Variants in NIF3L1 observed in about 807,000 individuals in gnomAD.
NIF3L1 encodes the protein NIF3-like protein 1.
Under a neutral mutation model 35.0 loss-of-function variants are expected in NIF3L1, and 26 were observed. The ratio of observed to expected loss-of-function variants is 0.74; its 90% confidence interval spans 0.54 to 1.03. NIF3L1 has a LOEUF of 1.03. Among genes scored for constraint, NIF3L1 ranks in the 50% least tolerant of loss-of-function variants. The pLI is 0.00. For synonymous variants in NIF3L1, 157 were observed against 178.9 expected (o/e 0.88, Z 0.98); for missense variants, 449 against 466.3 (o/e 0.96, Z 0.34).
At position 200,893,246 on chromosome 2, in the gene NIF3L1, G is replaced by T; in HGVS notation, c.437G>T (p.Gly146Val). 6 of 1,474,734 alleles carry T rather than the reference G, an allele frequency of 4.1e-6. No homozygotes were observed. Among genetic ancestry groups the T allele is most frequent in the Admixed American group, 2.5e-5 (1 of 40,696 alleles). 91.4% of individuals were successfully genotyped at this position (1,474,734 alleles called of 1,614,324 possible). A position where few individuals can be genotyped will look rare whatever the true frequency, so the allele number is the denominator to read the frequency against. Residue 146 changes from glycine to valine, a missense_variant and splice_region_variant, in exon 3 of 7, where the codon GGA (glycine) becomes GTA (valine). Coordinates refer to ENST00000409020, the MANE Select transcript of NIF3L1 (RefSeq NM_001369441.2). ...GVNNWLAKGL[G>V]ACTSRPIHPS... is the part of the protein sequence containing the mutation. ...CATTTTCCCACAATATTTTCTCTAG[G>T]AGCTTGTACCTCCAGGCCCATACAT... is the stretch of plus-strand genomic sequence containing the variant.
chr2:200,903,602 T>A lies in NIF3L1; in HGVS notation c.1058T>A (p.Met353Lys), dbSNP rs749928883. 29 of 1,613,848 alleles carry A rather than the reference T, an allele frequency of 1.8e-5. No individual in the cohort carries two copies. In the Middle Eastern group the frequency reaches 4.9e-4, roughly 27 times the overall value. Residue 353 changes from methionine (M) to lysine (K), a missense_variant, in exon 7 of 7, where the codon ATG (methionine) becomes AAG (lysine). Physicochemically the swap from Met to Lys is moderately conservative, Grantham distance 95 (BLOSUM62 -1). Coordinates refer to ENST00000409020, the MANE Select transcript of NIF3L1 (RefSeq NM_001369441.2). ...ERGFLSDLRD[M>K]LDSHLENKIN... is the part of the protein sequence containing the mutation. ...GGCTTTCTTTCTGACCTTCGAGATA[T>A]GCTGGATTCTCACTTGGAGAATAAG...
intron 3 of NIF3L1, 152 bp from the exon 4 acceptor site, chr2:200,895,112 A>G (rs1419461835): frequency 1.4e-6 from 1 of 709,320 alleles, no homozygotes; most frequent in East Asian, 2.6e-5. Flanking sequence ...GCTATTCTAG[A>G]AAATGGATTA....
In NIF3L1 at chr2:200,892,209, TTC is replaced by T; in HGVS notation, c.271_272del (p.Ser91LeufsTer40). 6.2e-7 allele frequency: 1 copy of T among 1,614,226 alleles called. No individual in the cohort carries two copies. Among genetic ancestry groups the T allele is most frequent in the Non-Finnish European group, 8.5e-7 (1 of 1,180,046 alleles). ...GTGCTGCAAAAGAAGGCAGACCTCA[TTC>T]TCTCCTACCATCCGCCTATCTTCCG... On this transcript the variant is annotated frameshift_variant, in exon 2 of 7. Transcript: ENST00000409020. LOFTEE classifies it high-confidence loss of function.
At chr2:200,900,538 C>T (rs1194014849) in intron 6 of NIF3L1, among the ~76,000 whole-genome samples, 4 of 152,156 alleles carry the variant, frequency 2.6e-5, no homozygotes, top group Non-Finnish European at 4.4e-5. Context: ...AGCACACTCT[C>T]TTACAAAGGC....
chr2:200,903,665 T>C lies in NIF3L1; in HGVS notation c.1121T>C (p.Leu374Pro), dbSNP rs539765919. 6.8e-6 allele frequency: 11 copies of C among 1,613,442 alleles called. No homozygotes were observed. The African/African-American group carries it at 1.5e-4, about 22-fold the overall frequency. ...IILSETDRDPLQVV is the reference protein window; with the variant it reads ...IILSETDRDPPQVV The stretch of plus-strand genomic sequence containing the variant: ...CTATCAGAGACTGACAGGGACCCTC[T>C]TCAGGTGGTATAATTGCAGAAACAT... The change falls in exon 7 of 7, where the codon CTT becomes CCT. Residue 374 changes from leucine to proline, a missense_variant. Coordinates refer to ENST00000409020, the MANE Select transcript of NIF3L1 (RefSeq NM_001369441.2).
rs143142268 is a variant in NIF3L1 at position 200,902,832 on chromosome 2, T to C, written c.950-662T>C. 5.6e-4 allele frequency among the ~76,000 whole-genome samples: 86 copies of C among 152,316 alleles called. 3 individuals are homozygous for C. In the East Asian group the frequency reaches 0.016, roughly 29 times the overall value. On this transcript the variant is annotated intron_variant, in intron 6 of 6. Transcript: ENST00000409020. The stretch of plus-strand genomic sequence containing the variant: ...CCTCCAGAGGTATTTATTACTTACA[T>C]AAGAGGCAAATTTTCTGAAGGCCTC...
intron 4 of NIF3L1, among the ~76,000 whole-genome samples, 167 bp downstream of exon 4, chr2:200,895,557 C>T (rs941593670): frequency 1.3e-5 from 2 of 152,114 alleles, no homozygotes; most frequent in African/African-American, 4.8e-5. Context: ...TGATGAATAT[C>T]ATTACTTTGC....
Position 200,897,103 on chromosome 2 carries a change from C to T in NIF3L1, c.754C>T (p.Arg252Trp), listed in dbSNP as rs371932910. 1.5e-5 allele frequency: 25 copies of T among 1,613,758 alleles called. No homozygotes were observed. The Middle Eastern group carries it at 4.9e-4, about 32-fold the overall frequency. ...TTTGCTTCTACATACTGGAATGGGA[C>T]GGTTATGCACACTGGATGAATCTGT... ...KPLLLHTGMG[R>W]LCTLDESVSL... Residue 252 changes from arginine (R) to tryptophan (W), a missense_variant, in exon 5 of 7, where the codon CGG (arginine) becomes TGG (tryptophan). Coordinates refer to ENST00000409020, the MANE Select transcript of NIF3L1 (RefSeq NM_001369441.2).
intron 6 of NIF3L1, among the ~76,000 whole-genome samples, chr2:200,902,085 G>A (rs749383206): frequency 2.0e-5 from 3 of 152,094 alleles, no homozygotes; most frequent in East Asian, 3.9e-4. Context: ...ACTTATAGGT[G>A]TTTTCTTATG....
intron 1 of NIF3L1, among the ~76,000 whole-genome samples, chr2:200,890,807 C>G (rs1389071145): frequency 6.6e-6 from 1 of 152,142 alleles, no homozygotes; most frequent in Non-Finnish European, 1.5e-5. Context: ...CCTCCCACCT[C>G]TTGAGCCTGG....
chr2:200,896,239 T>A (rs2124888618), intron 4 of NIF3L1, among the ~76,000 whole-genome samples: 1 of 152,258 alleles, frequency 6.6e-6, no homozygotes, highest in Non-Finnish European at 1.5e-5. Flanking sequence ...AGCCTGGGCC[T>A]CCAGCCTCCT....
chr2:200,890,420 C>T (rs1403154863), intron 1 of NIF3L1: 1 of 152,116 alleles, frequency 6.6e-6, no homozygotes, highest in Non-Finnish European at 1.5e-5. Flanking sequence ...CCCTGTATCA[C>T]TTCAAATAAT....
intron 6 of NIF3L1, 120 bp downstream of exon 6, chr2:200,899,588 C>T: frequency 1.6e-6 from 1 of 638,878 alleles, no homozygotes; most frequent in South Asian, 2.0e-5. Context: ...CTGAACTAAA[C>T]AGAAACTACA....
chr2:200,894,951 C>G (rs2040276341), intron 3 of NIF3L1, among the ~76,000 whole-genome samples: 1 of 152,024 alleles, frequency 6.6e-6, no homozygotes, highest in African/African-American at 2.4e-5. Flanking sequence ...CTTGGACCAG[C>G]AACATCAGCA....
At position 200,895,274 on chromosome 2, in the gene NIF3L1, G is replaced by T; in HGVS notation, c.610G>T (p.Glu204Ter). The stretch of plus-strand genomic sequence containing the variant: ...ATTTTTCCCCCCTAGGACTGGTAAT[G>T]AGGAACAAACACGGATTAATCTGAA... ...VTSFSARTGN[E>*]EQTRINLNCT... The change falls in exon 4 of 7, where the codon GAG becomes TAG. Residue 204 changes from glutamate to a stop codon, truncating the protein, a stop_gained. Transcript: ENST00000409020. LOFTEE classifies it high-confidence loss of function. 6.2e-7 allele frequency: 1 copy of T among 1,613,960 alleles called. No homozygotes were observed. Among genetic ancestry groups the T allele is most frequent in the Non-Finnish European group, 8.5e-7 (1 of 1,179,868 alleles).
intron 5 of NIF3L1, among the ~76,000 whole-genome samples, chr2:200,897,492 G>A (rs1405378590): frequency 6.6e-6 from 1 of 151,934 alleles, no homozygotes; most frequent in East Asian, 1.9e-4. Context: ...GCAGAGGGAG[G>A]GAGTTTTGCA....
In NIF3L1 at chr2:200,891,879, A is replaced by T. The variant is rs552260188; in HGVS notation, c.-26-39A>T. ...TTGATGCCTCAAAGATCCAGGCCTA[A>T]AGTATACCTGTGTACCATTTTCTTT... On this transcript the variant is annotated intron_variant, in intron 1 of 6. Transcript: ENST00000409020. 4.7e-4 allele frequency: 597 copies of T among 1,273,820 alleles called. 3 individuals are homozygous for T. In the African/African-American group the frequency reaches 7.8e-3, roughly 17 times the overall value. 78.9% of individuals were successfully genotyped at this position (1,273,820 alleles called of 1,614,324 possible).
Position 200,903,786 on chromosome 2 carries a change from T to C in NIF3L1, c.*108T>C. 3.5e-6 allele frequency: 3 copies of C among 868,828 alleles called. No individual in the cohort carries two copies. Among genetic ancestry groups the C allele is most frequent in the Middle Eastern group, 4.3e-4 (2 of 4,600 alleles). 53.8% of individuals were successfully genotyped at this position (868,828 alleles called of 1,614,324 possible). ...TGCTTCCAGAGAGTGTCTTCGAGGG[T>C]ATCATCATTTCCGGTTTGTTAATCT... On this transcript the variant is annotated 3_prime_UTR_variant, in exon 7 of 7. Transcript: ENST00000409020.
chr2:200,897,586 A>G (rs1559350556), intron 5 of NIF3L1, among the ~76,000 whole-genome samples: 1 of 152,178 alleles, frequency 6.6e-6, no homozygotes, highest in Non-Finnish European at 1.5e-5. Context: ...ATGTTGCCCA[A>G]TACAAGCAAG....
Sources: gnomAD v4.1 joint callset for allele counts (sites outside exome capture counted in the v4.1 genomes callset) on GRCh38, gnomAD v4.1.1 for gene constraint, MANE v1.5 for transcripts, NCBI Gene and HGNC (gene_info 2026-07-23, HGNC 2026-07-21) for gene names.